The following TRIM55 variants were observed in gnomAD, a reference collection of about 807,000 sequenced individuals.
The protein encoded by TRIM55 is tripartite motif containing 55, also known as tripartite motif-containing protein 55.
In TRIM55, 50 loss-of-function variants were observed where a neutral mutation model predicts 60.9. That is an observed-to-expected ratio of 0.82 (90% CI 0.65 to 1.04). The LOEUF (loss-of-function observed/expected upper bound fraction) is 1.04, where lower values mean the gene tolerates loss of function less well. TRIM55 is among the 50% of genes least tolerant of loss of function. The pLI, the probability that TRIM55 is intolerant of heterozygous loss-of-function variation, is 0.00. For missense variants in TRIM55, 681 were observed against 666.9 expected, an observed-to-expected ratio of 1.02 and a Z score of -0.23; for synonymous variants, 237 against 238.1, an observed-to-expected ratio of 1.00 and a Z score of 0.04.
intron 7 of TRIM55, among the ~76,000 whole-genome samples, chr8:66,150,776 C>G (rs925722198): frequency 6.6e-6 from 1 of 152,096 alleles, no homozygotes; most frequent in African/African-American, 2.4e-5. Context: ...AAGCGATTCT[C>G]CCGCCTCAGC....
At chr8:66,152,302 T>C (rs991834317) in intron 7 of TRIM55, 75 bp from the exon 8 acceptor site, 2 of 1,501,486 alleles carry the variant, frequency 1.3e-6, no homozygotes, top group Non-Finnish European at 1.8e-6. Flanking sequence ...ACTAGGGCTA[T>C]AAGCACTGGC....
chr8:66,124,780 C>T (rs184685070), upstream of TRIM55, among the ~76,000 whole-genome samples: 9 of 152,300 alleles, frequency 5.9e-5, no homozygotes, highest in East Asian at 1.7e-3. Context: ...TGGGAAATTC[C>T]TTATAGGCCC....
At chr8:66,124,013 G>C (rs1476151403), upstream of TRIM55, among the ~76,000 whole-genome samples, 4 of 152,158 alleles carry the variant, frequency 2.6e-5, no homozygotes, top group Non-Finnish European at 4.4e-5. Context: ...CAGAAGCTGG[G>C]AGAAAGCCTG....
At chr8:66,158,386 C>T (rs74952725) in intron 9 of TRIM55, among the ~76,000 whole-genome samples, 1 of 152,048 alleles carries the variant, frequency 6.6e-6, no homozygotes, top group Non-Finnish European at 1.5e-5. Flanking sequence ...TTTTTACATT[C>T]TATTCTTCAA....
the TRIM55 span, among the ~76,000 whole-genome samples, chr8:66,113,809 T>G: frequency 6.6e-6 from 1 of 152,158 alleles, no homozygotes; most frequent in Non-Finnish European, 1.5e-5. Context: ...CCGGGCAGCT[T>G]CTGCGACCCG....
intron 9 of TRIM55, among the ~76,000 whole-genome samples, chr8:66,158,043 T>G (rs1018639766): frequency 8.6e-5 from 13 of 152,038 alleles, no homozygotes; most frequent in African/African-American, 3.1e-4. Flanking sequence ...TTCCTTGGGC[T>G]TCTACAGGAT....
At chr8:66,130,261 A>C (rs982996377) in intron 2 of TRIM55, among the ~76,000 whole-genome samples, 19 of 152,326 alleles carry the variant, frequency 1.2e-4, no homozygotes, top group African/African-American at 4.3e-4. Flanking sequence ...CAATGAACCA[A>C]ATTTCCAACA....
In TRIM55 at chr8:66,146,234, A is replaced by G. The variant is rs1450541333; in HGVS notation, c.604-3411A>G. ...CATATGGGGTAGCATTTCCTGCACT[A>G]TGAAGTATAAACAAATGATAGTAGT... On this transcript the variant is annotated intron_variant, in intron 4 of 9. Coordinates refer to ENST00000315962, the MANE Select transcript of TRIM55 (RefSeq NM_184085.2). 2.0e-5 allele frequency among the ~76,000 whole-genome samples: 3 copies of G among 152,250 alleles called. No individual in the cohort carries two copies. The East Asian group carries it at 5.8e-4, about 29-fold the overall frequency.
chr8:66,173,651 T>C (rs2128987897), intron 9 of TRIM55, among the ~76,000 whole-genome samples: 1 of 152,338 alleles, frequency 6.6e-6, no homozygotes, highest in African/African-American at 2.4e-5. Flanking sequence ...CATGGTACCT[T>C]GAAATGTAAA....
chr8:66,130,570 G>T (rs1156397980), intron 2 of TRIM55, among the ~76,000 whole-genome samples: 1 of 147,128 alleles, frequency 6.8e-6, no homozygotes, highest in East Asian at 2.1e-4. Flanking sequence ...GTCGGGGGGG[G>T]TGACCAATCA....
chr8:66,163,025 T>C (rs1190220052), intron 9 of TRIM55, among the ~76,000 whole-genome samples: 1 of 152,194 alleles, frequency 6.6e-6, no homozygotes, highest in Non-Finnish European at 1.5e-5. Flanking sequence ...CTTAATACTT[T>C]TGTAGAAATT....
At chr8:66,145,113 T>G (rs1287454535) in intron 4 of TRIM55, among the ~76,000 whole-genome samples, 1 of 152,198 alleles carries the variant, frequency 6.6e-6, no homozygotes, top group Non-Finnish European at 1.5e-5. Context: ...TTCCCTGACT[T>G]TCACAGCACT....
In TRIM55 at chr8:66,158,907, C is replaced by T. The variant is rs141874384; in HGVS notation, c.1524+4573C>T. On this transcript the variant is annotated intron_variant, in intron 9 of 9. Transcript: ENST00000315962. ...ACTCCACAGCCATGATGACTCCACT[C>T]TGAAGTCGCCTAAAGTTACTTACAG... is the stretch of plus-strand genomic sequence containing the variant. Among the ~76,000 whole-genome samples the T allele has an allele frequency of 4.5e-4, 69 of 152,346 alleles. 1 individual carries two copies. The highest frequency in any genetic ancestry group is 6.8e-3 in the Middle Eastern group (2 of 294).
chr8:66,138,148 G>T (rs968839416), intron 4 of TRIM55, among the ~76,000 whole-genome samples: 1 of 151,976 alleles, frequency 6.6e-6, no homozygotes, highest in Non-Finnish European at 1.5e-5. Flanking sequence ...TCAGTTCATG[G>T]CATATAGTTC....
chr8:66,153,411 G>A (rs1304331038), intron 8 of TRIM55, among the ~76,000 whole-genome samples: 1 of 152,162 alleles, frequency 6.6e-6, no homozygotes, highest in Non-Finnish European at 1.5e-5. Context: ...AACCTTTTGA[G>A]TTTGCAGGCA....
Position 66,154,170 on chromosome 8 carries a change from A to G in TRIM55, c.1360A>G (p.Thr454Ala), listed in dbSNP as rs369383503. ...SWYKGQTRKA[T>A]TNPPCTPGSE... ...GTATAAAGGCCAAACCCGGAAAGCC[A>G]CCACCAACCCACCTTGCACCCCAGG... The change falls in exon 9 of 10, where the codon ACC (threonine) becomes GCC (alanine). Residue 454 changes from threonine to alanine, a missense_variant. Transcript: ENST00000315962. The G allele has an allele frequency of 4.3e-6, 7 of 1,614,024 alleles. No individual in the cohort carries two copies. The highest frequency in any genetic ancestry group is 5.1e-6 in the Non-Finnish European group (6 of 1,180,032).
intron 9 of TRIM55, among the ~76,000 whole-genome samples, chr8:66,173,492 C>G (rs1289999257): frequency 6.6e-6 from 1 of 152,226 alleles, no homozygotes; most frequent in African/African-American, 2.4e-5. Context: ...TTCATAAAAT[C>G]ATCCAGGGCT....
chr8:66,153,034 G>A (rs535786590), intron 8 of TRIM55, among the ~76,000 whole-genome samples: 4 of 151,638 alleles, frequency 2.6e-5, no homozygotes, highest in Non-Finnish European at 5.9e-5. Context: ...GTATATGTAG[G>A]GTATAGGATG....
intron 2 of TRIM55, among the ~76,000 whole-genome samples, chr8:66,133,437 G>T (rs548277843): frequency 6.6e-6 from 1 of 151,836 alleles, no homozygotes; most frequent in Non-Finnish European, 1.5e-5. Context: ...TGCCCTTATG[G>T]AGCTGATATT....
Sources: allele counts gnomAD v4.1 joint callset (sites outside exome capture counted in the v4.1 genomes callset), GRCh38; gene constraint gnomAD v4.1.1; transcripts MANE v1.5; gene names NCBI Gene and HGNC (gene_info 2026-07-23, HGNC 2026-07-21).